TRAK1: variants seen among roughly 807,000 people sequenced by gnomAD.
The protein encoded by TRAK1 is trafficking kinesin-binding protein 1.
TRAK1 carries 33 observed loss-of-function variants against 92.1 expected under a neutral mutation model. The ratio of observed to expected loss-of-function variants is 0.36; its 90% confidence interval spans 0.27 to 0.48. TRAK1 has a LOEUF of 0.48. Ranked by LOEUF, TRAK1 falls within the 20% of genes least tolerant of loss-of-function variation. TRAK1 has a pLI of 0.99. For synonymous variants in TRAK1, 521 were observed against 517.3 expected, an observed-to-expected ratio of 1.01 and a Z score of -0.10; for missense variants, 1,123 against 1,257.9, an observed-to-expected ratio of 0.89 and a Z score of 1.62.
chr3:42,087,881 A>C (rs1382931893), upstream of TRAK1, among the ~76,000 whole-genome samples: 1 of 152,370 alleles, frequency 6.6e-6, no homozygotes, highest in East Asian at 1.9e-4. Context: ...GGATTTTTAC[A>C]GATACCTGTG....
intron 1 of TRAK1, among the ~76,000 whole-genome samples, chr3:42,121,660 G>T (rs1479538346): frequency 2.0e-5 from 3 of 152,316 alleles, no homozygotes; most frequent in South Asian, 2.1e-4. Context: ...TCCATAGGGG[G>T]TCTGTGGGGC....
intron 3 of TRAK1, among the ~76,000 whole-genome samples, chr3:42,177,466 C>T (rs1703372693): frequency 1.3e-5 from 2 of 152,220 alleles, no homozygotes; most frequent in South Asian, 2.1e-4. Context: ...TGTGTATGTG[C>T]ATGCCTGGAA....
At chr3:42,035,548 T>C (rs1188044600) in intron 1 of TRAK1, among the ~76,000 whole-genome samples, 4 of 152,228 alleles carry the variant, frequency 2.6e-5, no homozygotes, top group African/African-American at 9.6e-5. Context: ...TGTCCTCAGC[T>C]GCTCAGGCAG....
At chr3:42,098,162 C>T (rs1706220117) in intron 1 of TRAK1, among the ~76,000 whole-genome samples, 1 of 152,046 alleles carries the variant, frequency 6.6e-6, no homozygotes, top group Non-Finnish European at 1.5e-5. Flanking sequence ...CATCCCCACT[C>T]CCCTCCTTTC....
intron 14 of TRAK1, chr3:42,211,228 C>G: frequency 1.0e-6 from 1 of 985,310 alleles, no homozygotes; most frequent in Non-Finnish European, 1.2e-6. Context: ...GGTGGTGTCT[C>G]CCATTCCCCT....
chr3:42,185,499 G>A (rs1189777416), intron 4 of TRAK1, among the ~76,000 whole-genome samples: 1 of 152,114 alleles, frequency 6.6e-6, no homozygotes, highest in African/African-American at 2.4e-5. Context: ...GAAGGGACGT[G>A]GTGTGGACAG....
Position 42,200,869 on chromosome 3 carries a change from G to T in TRAK1, c.1242G>T (p.Lys414Asn), listed in dbSNP as rs766603233. 2 of 1,614,164 alleles carry T rather than the reference G, an allele frequency of 1.2e-6. No homozygotes were observed. Among genetic ancestry groups the T allele is most frequent in the South Asian group, 2.2e-5 (2 of 91,080 alleles). Residue 414 changes from lysine to asparagine, a missense_variant, in exon 12 of 16, where the codon AAG becomes AAT. By Grantham distance (94) the Lys-to-Asn change is moderately conservative. This residue lies in a region of TRAK1 where 686 missense variants were observed against 747.6 expected (regional missense o/e 0.92). Transcript: ENST00000327628. Reference protein sequence around the residue: ...ETVRNINQVVKQRSLTPSPMN... With the variant: ...ETVRNINQVVNQRSLTPSPMN... ...TAAGAAACATCAACCAGGTTGTCAA[G>T]CAGAGATCTCTGACCCCTTCTCCCA...
At chr3:42,222,732 T>C (rs755028661) in intron 15 of TRAK1, among the ~76,000 whole-genome samples, 1 of 152,134 alleles carries the variant, frequency 6.6e-6, no homozygotes, top group Non-Finnish European at 1.5e-5. Context: ...AAGGGGATCA[T>C]GTGCAGCTTC....
intron 2 of TRAK1, among the ~76,000 whole-genome samples, chr3:42,153,173 G>T (rs76225722): frequency 7.9e-5 from 12 of 152,162 alleles, no homozygotes; most frequent in East Asian, 1.9e-4. Flanking sequence ...CAGGCTAAAG[G>T]GGGGAGGATC....
rs550031593 is a variant in TRAK1, at chr3:42,161,607, T to C, written c.287-15207T>C. ...CACTAAGTTGCCCAGGCTGGAACTT[T>C]TGTTTTCAACATTATTTATAATCAG... On this transcript the variant is annotated intron_variant, in intron 2 of 15. Coordinates refer to ENST00000327628, the MANE Select transcript of TRAK1 (RefSeq NM_001042646.3). Among the ~76,000 whole-genome samples, 14 of 152,340 alleles carry C rather than the reference T, an allele frequency of 9.2e-5. No individual in the cohort carries two copies. In the South Asian group the frequency reaches 1.4e-3, roughly 16 times the overall value.
chr3:42,187,987 C>A, intron 4 of TRAK1, 58 bp from the exon 5 acceptor site: 1 of 1,424,670 alleles, frequency 7.0e-7, no homozygotes, highest in Non-Finnish European at 9.9e-7. Context: ...GAATGTGAGT[C>A]GGGGGGGACA....
chr3:42,029,405 A>G (rs1702034707), intron 1 of TRAK1, among the ~76,000 whole-genome samples: 1 of 143,050 alleles, frequency 7.0e-6, no homozygotes, highest in Non-Finnish European at 1.6e-5. Flanking sequence ...TGCCTGGCTA[A>G]TTTTGCTTGT....
intron 1 of TRAK1, among the ~76,000 whole-genome samples, chr3:42,015,185 C>A (rs1173327743): frequency 2.0e-5 from 3 of 152,154 alleles, no homozygotes; most frequent in African/African-American, 7.2e-5. Context: ...TTGGAATGGT[C>A]ATACTCGGTT....
intron 4 of TRAK1, among the ~76,000 whole-genome samples, chr3:42,185,673 C>CTTT (rs11376284): frequency 2.9e-5 from 4 of 136,608 alleles, no homozygotes; most frequent in Non-Finnish European, 3.1e-5. Flanking sequence ...TTATTCCTTT[C>CTTT]TTTTTTTTTT....
At chr3:42,217,389 A>G in intron 14 of TRAK1, 1 of 985,362 alleles carries the variant, frequency 1.0e-6, no homozygotes. Context: ...TTCTACGGCT[A>G]TTCATTGCTT....
chr3:42,033,697 A>G (rs1702229361), intron 1 of TRAK1, among the ~76,000 whole-genome samples: 2 of 152,206 alleles, frequency 1.3e-5, no homozygotes. Flanking sequence ...GGATTAGATA[A>G]GGCAATATAT....
At chr3:42,115,516 G>T (rs533803578) in intron 1 of TRAK1, among the ~76,000 whole-genome samples, 1 of 152,304 alleles carries the variant, frequency 6.6e-6, no homozygotes, top group East Asian at 1.9e-4. Flanking sequence ...GCATGTATGT[G>T]TGAGTAGATG....
intron 2 of TRAK1, among the ~76,000 whole-genome samples, chr3:42,160,006 G>A (rs1258371421): frequency 6.6e-6 from 1 of 152,232 alleles, no homozygotes; most frequent in Non-Finnish European, 1.5e-5. Flanking sequence ...GAAAGGTGGA[G>A]AGGGTCTAGG....
chr3:42,184,765 G>T lies in TRAK1; in HGVS notation c.444G>T (p.Glu148Asp). 6.2e-7 allele frequency: 1 copy of T among 1,614,110 alleles called. No homozygotes were observed. The highest frequency in any genetic ancestry group is 8.5e-7 in the Non-Finnish European group (1 of 1,180,036). ...KKNKTLTERN[E>D]LLEEQVEHIR... ...ACAAGACCCTAACCGAGAGGAACGA[G>T]CTGCTGGAGGAGCAGGTGGAACACA... Residue 148 changes from glutamate to aspartate, a missense_variant, in exon 4 of 16, where the codon GAG becomes GAT. This residue lies in a region of TRAK1 where 686 missense variants were observed against 747.6 expected (regional missense o/e 0.92). Transcript: ENST00000327628.
Sources: gnomAD v4.1 joint callset for allele counts (sites outside exome capture counted in the v4.1 genomes callset) on GRCh38, gnomAD v4.1.1 for gene constraint, gnomAD v4.1.1 regional missense constraint, MANE v1.5 for transcripts, NCBI Gene and HGNC (gene_info 2026-07-23, HGNC 2026-07-21) for gene names.